LRRIQ1: variants seen among roughly 807,000 people sequenced by gnomAD.
LRRIQ1 encodes the protein leucine rich repeats and IQ motif containing 1.
A neutral mutation model predicts 211.9 loss-of-function variants in LRRIQ1; 210 were observed. That is an observed-to-expected ratio of 0.99 (90% confidence interval 0.89 to 1.11). The LOEUF (loss-of-function observed/expected upper bound fraction) is 1.11, where lower values mean the gene tolerates loss of function less well. Ranked by LOEUF, LRRIQ1 falls within the 50% of genes most tolerant of loss-of-function variation. LRRIQ1 has a pLI of 0.00. For missense variants in LRRIQ1, 2,136 were observed against 1,939.5 expected, an observed-to-expected ratio of 1.10 and a Z score of -1.90; for synonymous variants, 699 against 650.1, an observed-to-expected ratio of 1.08 and a Z score of -1.14.
At chr12:85,170,243 A>T (rs1391557142) in intron 24 of LRRIQ1, among the ~76,000 whole-genome samples, 3 of 133,242 alleles carry the variant, frequency 2.3e-5, no homozygotes, top group Non-Finnish European at 4.7e-5. Context: ...ATTCCAAAGT[A>T]TGTATTTGTA....
At chr12:85,044,551 C>G (rs1412449749) in intron 3 of LRRIQ1, among the ~76,000 whole-genome samples, 167 bp from the exon 4 acceptor site, 1 of 151,778 alleles carries the variant, frequency 6.6e-6, no homozygotes, top group Non-Finnish European at 1.5e-5. Flanking sequence ...ATCAGATTTC[C>G]TCTATTGTTT....
intron 5 of LRRIQ1, among the ~76,000 whole-genome samples, chr12:85,046,857 A>G (rs1215530979): frequency 6.6e-6 from 1 of 152,192 alleles, no homozygotes; most frequent in African/African-American, 2.4e-5. Flanking sequence ...TTGTAGGGAC[A>G]TGGATGAAGC....
At chr12:85,041,775 A>C (rs930103941) in intron 3 of LRRIQ1, among the ~76,000 whole-genome samples, 1 of 151,812 alleles carries the variant, frequency 6.6e-6, no homozygotes, top group Non-Finnish European at 1.5e-5. Flanking sequence ...CTGTGTAGAG[A>C]ATATGCCTTG....
At position 85,124,379 on chromosome 12, in the gene LRRIQ1, A is replaced by G. The variant is rs774970948; in HGVS notation, c.3867A>G (p.Arg1289=). ...KSATCENMEG[R]HQEILVCQKR... ...CCACATGTGAAAATATGGAAGGAAG[A>G]CATCAGGAAATATTAGTATGTCAGA... Residue 1289 remains arginine (R), a synonymous_variant, in exon 17 of 27, where the codon AGA becomes AGG. Coordinates refer to ENST00000393217, the MANE Select transcript of LRRIQ1 (RefSeq NM_001079910.2). 1.2e-6 allele frequency: 2 copies of G among 1,614,148 alleles called. No homozygotes were observed. Among genetic ancestry groups the G allele is most frequent in the Admixed American group, 1.7e-5 (1 of 60,026 alleles).
intron 24 of LRRIQ1, among the ~76,000 whole-genome samples, chr12:85,174,846 A>G (rs2136837640): frequency 1.3e-5 from 2 of 152,232 alleles, no homozygotes. Context: ...GGCCCACTAA[A>G]TGTTAGGAAA....
Position 85,057,264 on chromosome 12 carries a change from A to G in LRRIQ1, c.2391+80A>G, listed in dbSNP as rs1565794804. The G allele has an allele frequency of 1.4e-5, 15 of 1,074,910 alleles. 1 individual carries two copies. In the Middle Eastern group the frequency reaches 9.7e-4, roughly 69 times the overall value. The allele number at this position is 1,074,910 out of a possible 1,614,324, so 66.6% of individuals were successfully genotyped here. ...GTATAACTTTTCAGATCTTAGAAAA[A>G]GAAATATTTTGTATACAAGAATTGT... On this transcript the variant is annotated intron_variant, in intron 8 of 26. Coordinates refer to ENST00000393217, the MANE Select transcript of LRRIQ1 (RefSeq NM_001079910.2).
At chr12:85,242,086 T>C (rs540769009) in intron 26 of LRRIQ1, among the ~76,000 whole-genome samples, 43 of 152,112 alleles carry the variant, frequency 2.8e-4, no homozygotes, top group African/African-American at 1.0e-3. Flanking sequence ...CCTAAAAGAA[T>C]TTTGCAAAAT....
At chr12:85,271,659 A>G in the LRRIQ1 span, among the ~76,000 whole-genome samples, 1 of 152,134 alleles carries the variant, frequency 6.6e-6, no homozygotes, top group African/African-American at 2.4e-5. Context: ...TTAATGTAAT[A>G]TAAGCTAATT....
chr12:85,246,407 T>C (rs183374865), downstream of LRRIQ1, among the ~76,000 whole-genome samples: 2 of 151,476 alleles, frequency 1.3e-5, no homozygotes, highest in East Asian at 3.9e-4. Context: ...TACAAACTCA[T>C]ATGATATCAC....
chr12:85,157,736 G>A (rs1002658484), intron 23 of LRRIQ1, among the ~76,000 whole-genome samples: 1 of 151,842 alleles, frequency 6.6e-6, no homozygotes, highest in Non-Finnish European at 1.5e-5. Context: ...TGGTTTTGAT[G>A]TGGAGCACTC....
chr12:85,210,118 C>A (rs1893766693), intron 24 of LRRIQ1, among the ~76,000 whole-genome samples: 1 of 152,004 alleles, frequency 6.6e-6, no homozygotes, highest in Non-Finnish European at 1.5e-5. Context: ...TCCCAGAGGA[C>A]CTTATACATT....
chr12:85,272,788 G>C, the LRRIQ1 span, among the ~76,000 whole-genome samples: 5 of 152,248 alleles, frequency 3.3e-5, no homozygotes, highest in African/African-American at 1.2e-4. Context: ...TCTGATGTTG[G>C]AAACTGAAAG....
intron 24 of LRRIQ1, among the ~76,000 whole-genome samples, chr12:85,170,554 G>T (rs1451688541): frequency 6.6e-6 from 1 of 150,636 alleles, no homozygotes; most frequent in Non-Finnish European, 1.5e-5. Context: ...ATACATATAT[G>T]TGTGTATATA....
intron 1 of LRRIQ1, among the ~76,000 whole-genome samples, chr12:85,259,343 G>A (rs1896218459): frequency 6.6e-6 from 1 of 151,912 alleles, no homozygotes; most frequent in Non-Finnish European, 1.5e-5. Context: ...GGTAATTTTA[G>A]TATGATTATA....
intron 19 of LRRIQ1, among the ~76,000 whole-genome samples, chr12:85,147,424 A>G (rs773123982): frequency 6.6e-6 from 1 of 151,842 alleles, no homozygotes; most frequent in Non-Finnish European, 1.5e-5. Context: ...GGCCCTTACC[A>G]TAGGCATCTG....
chr12:85,115,626 T>C (rs1049383074), intron 15 of LRRIQ1, among the ~76,000 whole-genome samples: 6 of 152,298 alleles, frequency 3.9e-5, no homozygotes, highest in Middle Eastern at 3.4e-3. Context: ...AAATATTGGA[T>C]GTAATATTTA....
rs571369672 is a variant in LRRIQ1, at chr12:85,056,835, A to T, written c.2042A>T (p.His681Leu). Residue 681 changes from histidine to leucine, a missense_variant, in exon 8 of 27, where the codon CAT (histidine) becomes CTT (leucine). Physicochemically the swap from His to Leu is moderately conservative, Grantham distance 99. Coordinates refer to ENST00000393217, the MANE Select transcript of LRRIQ1 (RefSeq NM_001079910.2). ...GACCAAGATTATGTGTTAGGTAGAC[A>T]TGCTCCTTGTGAGGGCTTGAGTAAC... is the stretch of plus-strand genomic sequence containing the variant. The part of the protein sequence containing the change: ...RNDQDYVLGR[H>L]APCEGLSNYN... 6.2e-7 allele frequency: 1 copy of T among 1,613,262 alleles called. No homozygotes were observed. Among genetic ancestry groups the T allele is most frequent in the Non-Finnish European group, 8.5e-7 (1 of 1,179,496 alleles).
chr12:85,072,257 A>G (rs1592739096), intron 10 of LRRIQ1, among the ~76,000 whole-genome samples: 1 of 151,564 alleles, frequency 6.6e-6, no homozygotes, highest in South Asian at 2.1e-4. Flanking sequence ...GATTCTTTTC[A>G]GTTTTATTGC....
At chr12:85,182,483 A>G (rs532162854) in intron 24 of LRRIQ1, among the ~76,000 whole-genome samples, 4 of 152,132 alleles carry the variant, frequency 2.6e-5, no homozygotes, top group Non-Finnish European at 5.9e-5. Context: ...GCCTTCTAAC[A>G]TTTTGTTTTT....
Sources: gnomAD v4.1 joint callset for allele counts (sites outside exome capture counted in the v4.1 genomes callset) on GRCh38, gnomAD v4.1.1 for gene constraint, MANE v1.5 for transcripts, NCBI Gene and HGNC (gene_info 2026-07-23, HGNC 2026-07-21) for gene names.